Variants in PPFIA2 observed in about 807,000 individuals in gnomAD.
PPFIA2 encodes the protein liprin-alpha-2.
A neutral mutation model predicts 175.5 loss-of-function variants in PPFIA2; 46 were observed. The observed-to-expected ratio is 0.26, with a 90% CI of 0.21 to 0.34. PPFIA2 has a LOEUF of 0.34. Ranked by LOEUF, PPFIA2 falls within the 10% of genes least tolerant of loss-of-function variation. The pLI is 1.00. For synonymous variants in PPFIA2, 568 were observed against 511.4 expected (o/e 1.11, Z -1.49); for missense variants, 1,179 against 1,506.1 (o/e 0.78, Z 3.60).
intron 29 of PPFIA2, among the ~76,000 whole-genome samples, chr12:81,267,531 A>T (rs2037637919): frequency 6.6e-6 from 1 of 152,102 alleles, no homozygotes; most frequent in Non-Finnish European, 1.5e-5. Context: ...GATTCAAATT[A>T]TTATCCAGTT....
chr12:81,433,226 T>C (rs1306418082), intron 7 of PPFIA2, among the ~76,000 whole-genome samples: 2 of 152,190 alleles, frequency 1.3e-5, no homozygotes, highest in African/African-American at 2.4e-5. Flanking sequence ...ATTTTCTTAA[T>C]CATTCTGTCT....
chr12:81,563,316 CT>C (rs2070592074), intron 4 of PPFIA2, among the ~76,000 whole-genome samples: 2 of 152,160 alleles, frequency 1.3e-5, no homozygotes, highest in African/African-American at 4.8e-5. Flanking sequence ...TAAGGATTTA[CT>C]AACACGTGCT....
intron 4 of PPFIA2, among the ~76,000 whole-genome samples, chr12:81,544,769 C>T (rs2153352041): frequency 6.6e-6 from 1 of 152,204 alleles, no homozygotes; most frequent in South Asian, 2.1e-4. Context: ...TTCACAACAA[C>T]CTTCTAGATG....
intron 7 of PPFIA2, among the ~76,000 whole-genome samples, chr12:81,414,370 T>TA (rs1170326526): frequency 3.3e-5 from 5 of 151,544 alleles, no homozygotes; most frequent in Admixed American, 2.6e-4. Flanking sequence ...TTCCCCAAAA[T>TA]AAAAAAAGTC....
At chr12:81,652,997 C>T (rs142699570) in intron 4 of PPFIA2, among the ~76,000 whole-genome samples, 5 of 152,100 alleles carry the variant, frequency 3.3e-5, no homozygotes, top group African/African-American at 4.8e-5. Context: ...ATCAGCAAGT[C>T]CCCAATTCTA....
intron 4 of PPFIA2, among the ~76,000 whole-genome samples, chr12:81,469,970 AC>A (rs2056441692): frequency 6.6e-6 from 1 of 152,180 alleles, no homozygotes; most frequent in African/African-American, 2.4e-5. Flanking sequence ...TCTCAGCAGA[AC>A]CCATCCATGC....
chr12:81,414,639 A>G (rs75167254), intron 7 of PPFIA2, among the ~76,000 whole-genome samples: 2,252 of 151,670 alleles, frequency 0.015, 64 homozygotes, highest in African/African-American at 0.052. Flanking sequence ...TTCAATTAAC[A>G]ATTCCCAGGG....
chr12:81,547,787 A>C (rs1198791880), intron 4 of PPFIA2, among the ~76,000 whole-genome samples: 2 of 152,198 alleles, frequency 1.3e-5, no homozygotes, highest in African/African-American at 4.8e-5. Context: ...CTCTAGAGCA[A>C]CCATAACCAG....
intron 3 of PPFIA2, among the ~76,000 whole-genome samples, chr12:81,710,363 A>G (rs1445695041): frequency 1.3e-5 from 2 of 152,002 alleles, no homozygotes; most frequent in Admixed American, 1.3e-4. Flanking sequence ...ACACATGTAC[A>G]TGCTATATAT....
At chr12:81,633,653 A>G (rs1267708758) in intron 4 of PPFIA2, among the ~76,000 whole-genome samples, 1 of 152,072 alleles carries the variant, frequency 6.6e-6, no homozygotes, top group East Asian at 1.9e-4. Flanking sequence ...CATTTCAGGC[A>G]GGAGAAATTT....
At chr12:81,267,041 T>G in intron 29 of PPFIA2, 21 bp from the exon 30 acceptor site, 1 of 1,554,326 alleles carries the variant, frequency 6.4e-7, no homozygotes, top group Non-Finnish European at 8.9e-7. Context: ...CAAATTACAG[T>G]TACCATCACC....
rs187794767 is a variant in PPFIA2, at chr12:81,412,559, C to T, written c.646-6656G>A. On this transcript the variant is annotated intron_variant, in intron 7 of 32. Transcript: ENST00000549396. ...ATGGCAACAACCACAATTGCTTTTG[C>T]ACCAACCTAATAATAATCAGGTACA... is the stretch of plus-strand genomic sequence containing the variant. Among the ~76,000 whole-genome samples, 219 of 152,004 alleles carry T rather than the reference C, an allele frequency of 1.4e-3. 1 individual carries two copies. Among genetic ancestry groups the T allele is most frequent in the Non-Finnish European group, 2.5e-3 (168 of 67,898 alleles).
At chr12:81,334,445 A>G (rs2056731269) in intron 21 of PPFIA2, among the ~76,000 whole-genome samples, 1 of 151,818 alleles carries the variant, frequency 6.6e-6, no homozygotes. Context: ...GAAAGTAGGA[A>G]TAAATAAATT....
At chr12:81,739,074 C>T (rs917823027) in intron 3 of PPFIA2, among the ~76,000 whole-genome samples, 1 of 151,876 alleles carries the variant, frequency 6.6e-6, no homozygotes, top group Non-Finnish European at 1.5e-5. Flanking sequence ...AAACTGATAG[C>T]AGCCTCAAAA....
rs951537497 is a variant in PPFIA2 at position 81,373,871 on chromosome 12, T to C, written c.1266+763A>G. ...AAATATTAATGATTGTATAAAAATA[T>C]AAATTGTGTGATTATTTTTGAATTC... On this transcript the variant is annotated intron_variant, in intron 11 of 32. Transcript: ENST00000549396. Among the ~76,000 whole-genome samples the C allele has an allele frequency of 3.9e-5, 6 of 152,168 alleles. No individual in the cohort carries two copies. In the South Asian group the frequency reaches 1.2e-3, roughly 32 times the overall value.
chr12:81,695,323 G>C (rs780766271), intron 3 of PPFIA2, among the ~76,000 whole-genome samples: 3 of 152,118 alleles, frequency 2.0e-5, no homozygotes, highest in Non-Finnish European at 2.9e-5. Flanking sequence ...AAGGTGTCTG[G>C]ATCATAGGAG....
At chr12:81,563,872 C>T (rs1055648243) in intron 4 of PPFIA2, among the ~76,000 whole-genome samples, 2 of 152,062 alleles carry the variant, frequency 1.3e-5, no homozygotes, top group African/African-American at 4.8e-5. Context: ...GGAAAAAGTA[C>T]ACAAATAATT....
chr12:81,294,747 T>C, intron 24 of PPFIA2, 88 bp downstream of exon 24: 1 of 1,198,068 alleles, frequency 8.3e-7, no homozygotes, highest in Non-Finnish European at 1.2e-6. Context: ...GACATTGAAA[T>C]GTGTGCTGTC....
intron 7 of PPFIA2, among the ~76,000 whole-genome samples, chr12:81,432,458 A>G (rs2048256024): frequency 6.8e-6 from 1 of 146,882 alleles, no homozygotes; most frequent in Non-Finnish European, 1.5e-5. Flanking sequence ...TCGGAGCAGA[A>G]CTAACTTTTT....
Sources: allele counts gnomAD v4.1 joint callset (sites outside exome capture counted in the v4.1 genomes callset), GRCh38; gene constraint gnomAD v4.1.1; transcripts MANE v1.5; gene names NCBI Gene and HGNC (gene_info 2026-07-23, HGNC 2026-07-21).